The following KLF8 variants were observed in gnomAD, a reference collection of about 807,000 sequenced individuals.
The protein encoded by KLF8 is KLF transcription factor 8.
Under a neutral mutation model 18.2 loss-of-function variants are expected in KLF8, and 10 were observed. The ratio of observed to expected loss-of-function variants is 0.55; its 90% CI spans 0.34 to 0.93. The LOEUF is 0.93. KLF8 is among the 40% of genes least tolerant of loss of function. The pLI is 0.02. For synonymous variants in KLF8, 109 were observed against 97.3 expected, an observed-to-expected ratio of 1.12 and a Z score of -0.71; for missense variants, 264 against 277.9, an observed-to-expected ratio of 0.95 and a Z score of 0.36.
the KLF8 span, among the ~76,000 whole-genome samples, chrX:56,209,642 A>C: frequency 9.0e-6 from 1 of 111,541 alleles, no homozygotes; most frequent in East Asian, 2.8e-4. Context: ...ATAAATAAGT[A>C]AATAAGGACT....
the KLF8 span, among the ~76,000 whole-genome samples, chrX:56,159,159 C>G: frequency 8.9e-6 from 1 of 111,839 alleles, no homozygotes; most frequent in Admixed American, 9.5e-5. Flanking sequence ...TGATTTTTGT[C>G]ATTGTTTCTG....
chrX:56,054,216 G>A, the KLF8 span, among the ~76,000 whole-genome samples: 2 of 110,520 alleles, frequency 1.8e-5, no homozygotes, highest in South Asian at 7.5e-4. Flanking sequence ...TTTTGATATG[G>A]GCAATTAGTG....
the KLF8 span, among the ~76,000 whole-genome samples, chrX:56,086,367 C>T: frequency 9.0e-6 from 1 of 111,049 alleles, no homozygotes; most frequent in Non-Finnish European, 1.9e-5. Flanking sequence ...TTTTCTTGAC[C>T]CTTTGAGTTC....
the KLF8 span, among the ~76,000 whole-genome samples, chrX:55,945,808 A>G: frequency 6.3e-5 from 7 of 111,199 alleles, no homozygotes; most frequent in African/African-American, 2.3e-4. Context: ...ATAAAAAATC[A>G]ATGTACAAAA....
the KLF8 span, among the ~76,000 whole-genome samples, chrX:56,126,110 C>T: frequency 2.7e-5 from 3 of 111,485 alleles, no homozygotes; most frequent in African/African-American, 9.8e-5. Flanking sequence ...CTTAACTTGT[C>T]CCAGTCTTAA....
chrX:56,224,547 C>A, the KLF8 span, among the ~76,000 whole-genome samples: 3 of 111,307 alleles, frequency 2.7e-5, no homozygotes, highest in African/African-American at 9.8e-5. Context: ...ACTAGCTATC[C>A]TTTGTTTTAA....
the KLF8 span, among the ~76,000 whole-genome samples, chrX:56,167,575 A>G: frequency 1.1e-4 from 12 of 111,763 alleles, no homozygotes; most frequent in East Asian, 3.1e-3. Context: ...CAACTAGGAA[A>G]CCCCCTGAGA....
the KLF8 span, among the ~76,000 whole-genome samples, chrX:56,058,304 A>G: frequency 2.1e-4 from 16 of 77,231 alleles, 1 homozygote; most frequent in African/African-American, 5.9e-4. Flanking sequence ...ATATATATAT[A>G]TATATATATA....
chrX:56,158,645 T>C, the KLF8 span, among the ~76,000 whole-genome samples: 5 of 112,095 alleles, frequency 4.5e-5, no homozygotes, highest in South Asian at 3.8e-4. Context: ...TAATTCTCTT[T>C]GAAGCAATTG....
At chrX:56,243,288 T>A in intron 1 of KLF8, 1 of 399,919 alleles carries the variant, frequency 2.5e-6, no homozygotes, top group Non-Finnish European at 4.6e-6. Flanking sequence ...GGTGTGTGGA[T>A]CTTCTTTTTT....
At chrX:55,938,110 A>C in the KLF8 span, among the ~76,000 whole-genome samples, 3 of 111,829 alleles carry the variant, frequency 2.7e-5, no homozygotes, top group Non-Finnish European at 5.6e-5. Flanking sequence ...AAAAATGTTA[A>C]GGGCAGCCAG....
chrX:56,009,990 G>A, the KLF8 span, among the ~76,000 whole-genome samples: 1 of 112,114 alleles, frequency 8.9e-6, no homozygotes, highest in African/African-American at 3.2e-5. Flanking sequence ...ACTGATTGGG[G>A]TACCTGAAAG....
intron 5 of KLF8, among the ~76,000 whole-genome samples, chrX:56,273,994 A>T (rs2067089678): frequency 1.8e-5 from 2 of 112,389 alleles, no homozygotes; most frequent in African/African-American, 6.5e-5. Context: ...GAGAGTGCAG[A>T]TATCTCATTG....
chrX:56,274,520 G>T (rs761213642), intron 5 of KLF8, among the ~76,000 whole-genome samples: 2 of 111,180 alleles, frequency 1.8e-5, no homozygotes, highest in East Asian at 5.6e-4. Context: ...TAACTTTATG[G>T]CACCCCATTT....
chrX:56,007,977 T>G, the KLF8 span, among the ~76,000 whole-genome samples: 1 of 110,740 alleles, frequency 9.0e-6, no homozygotes, highest in Admixed American at 9.6e-5. Flanking sequence ...ATTTTTTTAT[T>G]AAGTTCATTC....
At chrX:56,041,230 T>C in the KLF8 span, among the ~76,000 whole-genome samples, 2 of 109,792 alleles carry the variant, frequency 1.8e-5, no homozygotes, top group African/African-American at 3.3e-5. Flanking sequence ...TTCAAGCGAT[T>C]CTCCTGCTTC....
chrX:56,097,988 G>GCTTA, the KLF8 span, among the ~76,000 whole-genome samples: 1 of 110,725 alleles, frequency 9.0e-6, no homozygotes. Context: ...TAGAGATAGG[G>GCTTA]CTTAATAGGA....
the KLF8 span, among the ~76,000 whole-genome samples, chrX:56,060,332 A>G: frequency 0.53 from 58,678 of 110,340 alleles, 13,771 homozygotes; most frequent in East Asian, 0.76. Context: ...TGTTATAAAT[A>G]GTTCTTGTTA....
At chrX:55,939,664 A>G in the KLF8 span, among the ~76,000 whole-genome samples, 1 of 111,610 alleles carries the variant, frequency 9.0e-6, no homozygotes, top group Non-Finnish European at 1.9e-5. Flanking sequence ...GAAGAACCAA[A>G]TAGACACAAT....
Sources: allele counts gnomAD v4.1 joint callset (sites outside exome capture counted in the v4.1 genomes callset), GRCh38; gene constraint gnomAD v4.1.1; transcripts MANE v1.5; gene names NCBI Gene and HGNC (gene_info 2026-07-23, HGNC 2026-07-21).